Variants in IFT74 observed in about 807,000 individuals in gnomAD.
IFT74 encodes intraflagellar transport protein 74 homolog.
IFT74 carries 92 observed loss-of-function variants against 96.7 expected under a neutral mutation model. The observed-to-expected ratio is 0.95, with a 90% CI of 0.80 to 1.13. The LOEUF (loss-of-function observed/expected upper bound fraction) is 1.13. IFT74 is among the 50% of genes most tolerant of loss of function. The pLI is 0.00. For synonymous variants in IFT74, 223 were observed against 213.2 expected, an observed-to-expected ratio of 1.05 and a Z score of -0.40; for missense variants, 811 against 698.2, an observed-to-expected ratio of 1.16 and a Z score of -1.82.
In IFT74 at chr9:27,064,561, A is replaced by T. The variant is rs1397584428; in HGVS notation, c.*1825A>T. Among the ~76,000 whole-genome samples the T allele has an allele frequency of 6.6e-6, 1 of 152,108 alleles. No homozygotes were observed. The highest frequency in any genetic ancestry group is 1.5e-5 in the Non-Finnish European group (1 of 67,980). On this transcript the variant is annotated 3_prime_UTR_variant, in exon 20 of 20. Coordinates refer to ENST00000380062, the MANE Select transcript of IFT74 (RefSeq NM_025103.4). ...ACATTCATCTTTTATACAGTAACAA[A>T]CAGAGGTATGATTGAGCATAGAGTT...
chr9:26,999,198 T>C (rs1042792204), intron 8 of IFT74, among the ~76,000 whole-genome samples: 2 of 152,330 alleles, frequency 1.3e-5, no homozygotes, highest in African/African-American at 4.8e-5. Context: ...ATAGTTCTTG[T>C]TTTTACTGAA....
intron 8 of IFT74, among the ~76,000 whole-genome samples, chr9:27,006,035 G>T (rs186163543): frequency 2.6e-5 from 4 of 151,738 alleles, no homozygotes; most frequent in Non-Finnish European, 5.9e-5. Context: ...GTAGAGATGC[G>T]GTTTCACCAT....
intron 6 of IFT74, among the ~76,000 whole-genome samples, chr9:26,984,933 A>C (rs1484079890): frequency 6.6e-6 from 1 of 152,192 alleles, no homozygotes; most frequent in African/African-American, 2.4e-5. Flanking sequence ...ACTACCATTC[A>C]GCCCGTCAAT....
rs767241349 is a variant in IFT74 at position 27,060,597 on chromosome 9, A to G, written c.1630A>G (p.Asn544Asp). The change falls in exon 19 of 20, where the codon AAT becomes GAT. Residue 544 changes from asparagine to aspartate, a missense_variant. Asn to Asp is a conservative substitution (Grantham distance 23). Transcript: ENST00000380062. Reference sequence around the variant, plus strand: ...TTTTCTTTTATGTTTTTAGCTTACAAATTTGGAGAGAAAGTGGCAACACCT... The same window carrying G: ...TTTTCTTTTATGTTTTTAGCTTACAGATTTGGAGAGAAAGTGGCAACACCT... ...QENETHSQLT[N>D]LERKWQHLEQ... The G allele has an allele frequency of 1.9e-6, 3 of 1,590,880 alleles. No individual in the cohort carries two copies. The highest frequency in any genetic ancestry group is 2.6e-6 in the Non-Finnish European group (3 of 1,165,408).
At chr9:26,987,140 C>T (rs895941437) in intron 6 of IFT74, among the ~76,000 whole-genome samples, 1 of 152,166 alleles carries the variant, frequency 6.6e-6, no homozygotes. Context: ...ACCTCCGCCT[C>T]TTGGGTTCAA....
chr9:26,978,094 G>T (rs760456798), intron 2 of IFT74, 34 bp from the exon 3 acceptor site: 33 of 1,539,952 alleles, frequency 2.1e-5, no homozygotes, highest in Non-Finnish European at 2.8e-5. Flanking sequence ...GTTTTTTCTG[G>T]TTTACTAAAA....
chr9:26,956,288 A>C (rs1183164623), upstream of IFT74: 1 of 152,230 alleles, frequency 6.6e-6, no homozygotes, highest in African/African-American at 2.4e-5. Context: ...GAAGAAACAA[A>C]CATATCCTCA....
In IFT74 at chr9:27,063,130, T is replaced by C. The variant is rs1820497824; in HGVS notation, c.*394T>C. Among the ~76,000 whole-genome samples, 1 of 152,122 alleles carries C rather than the reference T, an allele frequency of 6.6e-6. No individual in the cohort carries two copies. The highest frequency in any genetic ancestry group is 6.6e-5 in the Admixed American group (1 of 15,264). The stretch of plus-strand genomic sequence containing the variant: ...TTAGATCAACCTTGTCAATTTTTAC[T>C]TCTAGAAAAAATTAGTAAGATTAGA... On this transcript the variant is annotated 3_prime_UTR_variant, in exon 20 of 20. Transcript: ENST00000380062.
At chr9:26,965,246 A>C (rs1587245060) in intron 2 of IFT74, among the ~76,000 whole-genome samples, 2 of 152,174 alleles carry the variant, frequency 1.3e-5, no homozygotes, top group Non-Finnish European at 2.9e-5. Flanking sequence ...ATGTCCATAA[A>C]TTTATCTGAT....
chr9:27,056,480 C>T (rs1277001928), intron 18 of IFT74, 21 bp downstream of exon 18: 1 of 1,576,588 alleles, frequency 6.3e-7, no homozygotes, highest in Middle Eastern at 1.7e-4. Context: ...TTTTAAATGA[C>T]TTTGAAATTG....
Position 26,980,702 on chromosome 9 carries a change from T to C in IFT74, c.305+83T>C, listed in dbSNP as rs1827337640. The C allele has an allele frequency of 5.9e-6, 5 of 853,140 alleles. No individual in the cohort carries two copies. The East Asian group carries it at 1.3e-4, about 22-fold the overall frequency. 52.8% of individuals were successfully genotyped at this position (853,140 alleles called of 1,614,324 possible). A position where few individuals can be genotyped will look rare whatever the true frequency, so the allele number is the denominator to read the frequency against. On this transcript the variant is annotated intron_variant, in intron 4 of 19. Coordinates refer to ENST00000380062, the MANE Select transcript of IFT74 (RefSeq NM_025103.4). ...GTCAAAATAGAGTATATAACTTTAATATGAAGTTTTAGCTAGGCACTTATT... is the reference window on the plus strand; with the variant it reads ...GTCAAAATAGAGTATATAACTTTAACATGAAGTTTTAGCTAGGCACTTATT...
At position 27,054,749 on chromosome 9, in the gene IFT74, A is replaced by G. The variant is rs371779971; in HGVS notation, c.1334-860A>G. On this transcript the variant is annotated intron_variant, in intron 16 of 19. Transcript: ENST00000380062. ...TTGCCAACAGAAGTTGAAAAAGGCA[A>G]CACTCTGCCTTCTTATGTCAGTTCT... Among the ~76,000 whole-genome samples the G allele has an allele frequency of 3.3e-5, 5 of 152,310 alleles. No homozygotes were observed. The East Asian group carries it at 9.6e-4, about 29-fold the overall frequency.
At chr9:26,990,397 A>G (rs944611802) in intron 8 of IFT74, among the ~76,000 whole-genome samples, 16 of 152,176 alleles carry the variant, frequency 1.1e-4, no homozygotes, top group African/African-American at 2.7e-4. Context: ...TATAAAGACT[A>G]TTGCTACATA....
At chr9:27,059,437 A>G (rs1016686408) in intron 18 of IFT74, among the ~76,000 whole-genome samples, 27 of 152,226 alleles carry the variant, frequency 1.8e-4, no homozygotes, top group African/African-American at 6.5e-4. Context: ...ACCATCTGAC[A>G]CAGCATTGCT....
chr9:26,970,413 A>G (rs1826832810), intron 2 of IFT74, among the ~76,000 whole-genome samples: 1 of 152,200 alleles, frequency 6.6e-6, no homozygotes, highest in Non-Finnish European at 1.5e-5. Context: ...ATAGTACTGT[A>G]TACATTGTTA....
intron 8 of IFT74, chr9:26,996,184 A>G: frequency 1.6e-6 from 1 of 643,630 alleles, no homozygotes; most frequent in Non-Finnish European, 2.4e-6. Flanking sequence ...AATATTTTGT[A>G]AATCTTTAGT....
At chr9:27,050,225 T>C (rs1819863272) in intron 16 of IFT74, among the ~76,000 whole-genome samples, 1 of 152,088 alleles carries the variant, frequency 6.6e-6, no homozygotes. Flanking sequence ...GCCTAGCTAA[T>C]ATTTCGTATT....
At chr9:27,032,850 G>A (rs2131653930) in intron 13 of IFT74, among the ~76,000 whole-genome samples, 1 of 151,190 alleles carries the variant, frequency 6.6e-6, no homozygotes, top group African/African-American at 2.4e-5. Flanking sequence ...TTGGGCGACA[G>A]AGCAAGACTC....
At chr9:27,009,839 T>C (rs1360807738) in intron 9 of IFT74, among the ~76,000 whole-genome samples, 3 of 152,196 alleles carry the variant, frequency 2.0e-5, no homozygotes, top group African/African-American at 7.2e-5. Context: ...ATTTTTTTAT[T>C]GATACACAAT....
Sources: gnomAD v4.1 joint callset for allele counts (sites outside exome capture counted in the v4.1 genomes callset) on GRCh38, gnomAD v4.1.1 for gene constraint, MANE v1.5 for transcripts, NCBI Gene and HGNC (gene_info 2026-07-23, HGNC 2026-07-21) for gene names.